The following EPHA4 variants were observed in gnomAD, a reference collection of about 807,000 sequenced individuals.
The protein encoded by EPHA4 is EPH receptor A4, also known as ephrin type-A receptor 4.
A neutral mutation model predicts 108.3 loss-of-function variants in EPHA4; 19 were observed. The ratio of observed to expected loss-of-function variants is 0.18; its 90% CI spans 0.12 to 0.26. The LOEUF (loss-of-function observed/expected upper bound fraction) is 0.26, where lower values mean the gene tolerates loss of function less well. EPHA4 is among the 10% of genes least tolerant of loss of function. EPHA4 has a pLI of 1.00. For synonymous variants in EPHA4, 449 were observed against 455.5 expected (o/e 0.99, Z 0.18); for missense variants, 917 against 1,254.0 (o/e 0.73, Z 4.06).
At chr2:221,450,909 T>C (rs1690764042) in intron 8 of EPHA4, among the ~76,000 whole-genome samples, 1 of 152,172 alleles carries the variant, frequency 6.6e-6, no homozygotes, top group Non-Finnish European at 1.5e-5. Context: ...TTTTCACATT[T>C]GAATAATAAA....
chr2:221,451,029 C>T (rs1690768878), intron 8 of EPHA4, among the ~76,000 whole-genome samples: 1 of 152,120 alleles, frequency 6.6e-6, no homozygotes, highest in Non-Finnish European at 1.5e-5. Flanking sequence ...GCCTGGCCAA[C>T]ATGGTGAAAC....
intron 6 of EPHA4, 73 bp downstream of exon 6, chr2:221,457,793 A>AAAGGAAAGAAGAAAACAAAGAAGGAAGG: frequency 6.5e-7 from 1 of 1,537,330 alleles, no homozygotes. Context: ...AGGGAAGGAG[A>AAAGGAAAGAAGAAAACAAAGAAGGAAGG]AAGGAAAGAA....
rs1553595993 is a variant in EPHA4 at position 221,566,969 on chromosome 2, G to GGAGGAAGAAGAAGAA, written c.159+1748_159+1749insTTCTTCTTCTTCCTC. ...GAGAAGGAGAAGGGGAAGAGGAAGA[G>GGAGGAAGAAGAAGAA]GAAGAAGAAGAAGAAGAAGAAGAAG... On this transcript the variant is annotated intron_variant, in intron 2 of 17. Coordinates refer to ENST00000281821, the MANE Select transcript of EPHA4 (RefSeq NM_004438.5). 1.4e-4 allele frequency among the ~76,000 whole-genome samples: 4 copies of GGAGGAAGAAGAAGAA among 27,654 alleles called. 2 individuals are homozygous for GGAGGAAGAAGAAGAA. Among genetic ancestry groups the GGAGGAAGAAGAAGAA allele is most frequent in the Non-Finnish European group, 2.5e-4 (4 of 16,172 alleles). 18.1% of individuals were successfully genotyped at this position (27,654 alleles called of 152,430 possible).
chr2:221,503,741 C>G (rs187787091), intron 3 of EPHA4, among the ~76,000 whole-genome samples: 1 of 152,290 alleles, frequency 6.6e-6, no homozygotes, highest in East Asian at 1.9e-4. Context: ...TTCTCGGCAG[C>G]CTTGCTACCC....
intron 3 of EPHA4, chr2:221,502,507 C>A: frequency 2.1e-6 from 1 of 470,844 alleles, no homozygotes; most frequent in Non-Finnish European, 4.4e-6. Context: ...AACAACCATG[C>A]AGCAACGCAG....
chr2:221,500,544 G>T (rs532633610), intron 4 of EPHA4, among the ~76,000 whole-genome samples: 9 of 152,228 alleles, frequency 5.9e-5, no homozygotes, highest in Non-Finnish European at 7.3e-5. Context: ...TGGGGCCTAA[G>T]TCTTATGAAC....
intron 4 of EPHA4, among the ~76,000 whole-genome samples, chr2:221,494,396 G>A (rs1692244440): frequency 6.6e-6 from 1 of 152,204 alleles, no homozygotes; most frequent in Non-Finnish European, 1.5e-5. Flanking sequence ...TTGAGGTCAG[G>A]AGTTCGAGAC....
intron 14 of EPHA4, among the ~76,000 whole-genome samples, chr2:221,430,581 G>A (rs1178810177): frequency 6.6e-6 from 1 of 151,924 alleles, no homozygotes; most frequent in Admixed American, 6.6e-5. Flanking sequence ...GCAATTAATA[G>A]CTGTCTCCAA....
intron 3 of EPHA4, among the ~76,000 whole-genome samples, chr2:221,511,126 A>C (rs901391767): frequency 2.6e-5 from 4 of 152,146 alleles, no homozygotes; most frequent in African/African-American, 9.7e-5. Flanking sequence ...AACATAATGC[A>C]TTCTGTTTTA....
chr2:221,528,320 A>T (rs934778698), intron 3 of EPHA4, among the ~76,000 whole-genome samples: 2 of 152,210 alleles, frequency 1.3e-5, no homozygotes, highest in Admixed American at 1.3e-4. Flanking sequence ...CCTCCCTAGT[A>T]ATAATCCAGG....
At chr2:221,465,083 C>T (rs758829155) in intron 5 of EPHA4, among the ~76,000 whole-genome samples, 1 of 151,780 alleles carries the variant, frequency 6.6e-6, no homozygotes, top group Admixed American at 6.6e-5. Flanking sequence ...CAAGGTCAGA[C>T]CAGAGTCTAT....
intron 5 of EPHA4, among the ~76,000 whole-genome samples, chr2:221,469,331 C>A (rs1331899622): frequency 1.3e-5 from 2 of 152,062 alleles, no homozygotes; most frequent in East Asian, 3.9e-4. Flanking sequence ...AACACACAAA[C>A]AAATGAAAAG....
chr2:221,545,972 T>G (rs918314393), intron 3 of EPHA4, among the ~76,000 whole-genome samples: 2 of 152,176 alleles, frequency 1.3e-5, no homozygotes, highest in African/African-American at 4.8e-5. Flanking sequence ...AAACCTTCCT[T>G]TATACCTCAT....
chr2:221,499,238 A>T (rs1692399116), intron 4 of EPHA4, among the ~76,000 whole-genome samples: 1 of 147,810 alleles, frequency 6.8e-6, no homozygotes, highest in African/African-American at 2.5e-5. Flanking sequence ...TAAATATAAT[A>T]ATATAAATAT....
intron 3 of EPHA4, among the ~76,000 whole-genome samples, chr2:221,562,192 A>C (rs1049003987): frequency 1.3e-5 from 2 of 149,052 alleles, no homozygotes; most frequent in Non-Finnish European, 3.0e-5. Flanking sequence ...GTAAACTTTT[A>C]AATTTACACA....
chr2:221,435,046 T>C (rs1054152739), intron 13 of EPHA4, among the ~76,000 whole-genome samples: 1 of 152,182 alleles, frequency 6.6e-6, no homozygotes, highest in African/African-American at 2.4e-5. Context: ...GTCCTAGGGT[T>C]CCACCTGGGG....
intron 15 of EPHA4, among the ~76,000 whole-genome samples, chr2:221,427,098 A>G (rs1362672444): frequency 2.0e-5 from 3 of 152,218 alleles, no homozygotes; most frequent in Non-Finnish European, 4.4e-5. Context: ...AACAGCAAGA[A>G]TTCAAGTCCA....
At chr2:221,431,192 C>A (rs772127193) in intron 14 of EPHA4, among the ~76,000 whole-genome samples, 3 of 152,210 alleles carry the variant, frequency 2.0e-5, no homozygotes, top group Non-Finnish European at 4.4e-5. Flanking sequence ...TCTGGAGGTG[C>A]TTTTATTTGT....
At chr2:221,569,893 T>A (rs1187303508) in intron 1 of EPHA4, among the ~76,000 whole-genome samples, 1 of 152,128 alleles carries the variant, frequency 6.6e-6, no homozygotes, top group African/African-American at 2.4e-5. Flanking sequence ...TTTCCCCTAC[T>A]TTTCCCGGGG....
Sources: allele counts gnomAD v4.1 joint callset (sites outside exome capture counted in the v4.1 genomes callset), GRCh38; gene constraint gnomAD v4.1.1; transcripts MANE v1.5; gene names NCBI Gene and HGNC (gene_info 2026-07-23, HGNC 2026-07-21).